Variants in MYO18B observed in about 807,000 individuals in gnomAD.
MYO18B encodes the protein myosin XVIIIB, also known as unconventional myosin-XVIIIb.
Under a neutral mutation model 273.0 loss-of-function variants are expected in MYO18B, and 204 were observed. The observed-to-expected ratio is 0.75, with a 90% CI of 0.67 to 0.84. The LOEUF (loss-of-function observed/expected upper bound fraction) is 0.84. Among genes scored for constraint, MYO18B ranks in the 40% least tolerant of loss-of-function variants. MYO18B has a pLI of 0.00. For missense variants in MYO18B, 3,212 were observed against 3,287.6 expected (o/e 0.98, Z 0.56); for synonymous variants, 1,330 against 1,305.7 (o/e 1.02, Z -0.40).
Position 25,895,235 on chromosome 22 carries a change from G to A in MYO18B, c.4623G>A (p.Glu1541=). ...FLRKRLQQCE[E]RLDSELTARK... ...GAAAGCGTCTGCAGCAATGCGAGGAGAGGCTGGACTCGGAGCTGACAGCCA... is the reference window on the plus strand; with the variant it reads ...GAAAGCGTCTGCAGCAATGCGAGGAAAGGCTGGACTCGGAGCTGACAGCCA... The change falls in exon 28 of 44, where the codon GAG becomes GAA. Residue 1541 remains glutamate, a synonymous_variant. Transcript: ENST00000335473. 6.2e-7 allele frequency: 1 copy of A among 1,608,786 alleles called. No individual in the cohort carries two copies. Among genetic ancestry groups the A allele is most frequent in the Non-Finnish European group, 8.5e-7 (1 of 1,177,612 alleles).
Position 25,902,414 on chromosome 22 carries a change from AC to A in MYO18B, c.4824-198del, listed in dbSNP as rs528048752. On this transcript the variant is annotated intron_variant, in intron 29 of 43. Transcript: ENST00000335473. Reference sequence around the variant, plus strand: ...CTGTGGTTTTTCAGATTCCCACCCTACATCCACAGCCTTACGTAAAAGCATT... The same window carrying A: ...CTGTGGTTTTTCAGATTCCCACCCTAATCCACAGCCTTACGTAAAAGCATT... 2.5e-3 allele frequency among the ~76,000 whole-genome samples: 376 copies of A among 152,272 alleles called. 1 individual carries two copies. Among genetic ancestry groups the A allele is most frequent in the African/African-American group, 8.9e-3 (370 of 41,558 alleles).
At chr22:26,046,825 C>T in the MYO18B span, among the ~76,000 whole-genome samples, 2 of 152,224 alleles carry the variant, frequency 1.3e-5, no homozygotes, top group Non-Finnish European at 2.9e-5. Flanking sequence ...CACCCCAACA[C>T]CTAGGAGCTT....
chr22:25,863,361 G>A (rs2090795543), intron 21 of MYO18B, among the ~76,000 whole-genome samples: 1 of 152,030 alleles, frequency 6.6e-6, no homozygotes, highest in Non-Finnish European at 1.5e-5. Context: ...CTCACCCTTA[G>A]TTTGGATCAT....
intron 11 of MYO18B, among the ~76,000 whole-genome samples, chr22:25,789,065 TCC>T (rs764474099): frequency 0.9 from 133,564 of 148,312 alleles, 61,115 homozygotes; most frequent in Non-Finnish European, 0.98. Flanking sequence ...CTCTTTCTCC[TCC>T]TCCTCCTCCT....
chr22:25,767,127 AC>A (rs1399474988), intron 3 of MYO18B, among the ~76,000 whole-genome samples: 1 of 152,174 alleles, frequency 6.6e-6, no homozygotes, highest in African/African-American at 2.4e-5. Flanking sequence ...TCAGGGTAGA[AC>A]TTGCTTATGA....
chr22:26,048,282 G>A, the MYO18B span, among the ~76,000 whole-genome samples: 1 of 152,212 alleles, frequency 6.6e-6, no homozygotes, highest in Non-Finnish European at 1.5e-5. Context: ...AGACTGCCCT[G>A]AAAAGTCTTG....
intron 33 of MYO18B, among the ~76,000 whole-genome samples, chr22:25,918,222 A>G (rs1392452336): frequency 5.3e-5 from 8 of 152,102 alleles, no homozygotes; most frequent in Admixed American, 4.6e-4. Flanking sequence ...CCAAGCCTCA[A>G]TTTCCCCATC....
At chr22:26,000,010 G>A (rs1933798693) in intron 40 of MYO18B, among the ~76,000 whole-genome samples, 1 of 152,194 alleles carries the variant, frequency 6.6e-6, no homozygotes, top group South Asian at 2.1e-4. Context: ...CTGACCGCAT[G>A]TCAGGAGATG....
chr22:25,962,265 C>T (rs1416422310), intron 39 of MYO18B, among the ~76,000 whole-genome samples: 2 of 152,174 alleles, frequency 1.3e-5, no homozygotes, highest in Non-Finnish European at 2.9e-5. Flanking sequence ...CCCGTACCCC[C>T]TGTGCCCACC....
chr22:25,894,927 C>T lies in MYO18B; in HGVS notation c.4544-229C>T, dbSNP rs560494266. 1.1e-4 allele frequency: 53 copies of T among 504,238 alleles called. 2 individuals are homozygous for T. In the South Asian group the frequency reaches 1.4e-3, roughly 13 times the overall value. The allele number at this position is 504,238 out of a possible 1,614,324, so 31.2% of individuals were successfully genotyped here. A position where few individuals can be genotyped will look rare whatever the true frequency, so the allele number is the denominator to read the frequency against. On this transcript the variant is annotated intron_variant, in intron 27 of 43. Coordinates refer to ENST00000335473, the MANE Select transcript of MYO18B (RefSeq NM_032608.7). ...GCAACCAATCTTAGAAGAGTGAGCA[C>T]TCAAGAACTTTAGACAGTTGGAGGT...
At position 25,760,299 on chromosome 22, in the gene MYO18B, C is replaced by A. The variant is rs1215860197; in HGVS notation, c.-109-685C>A. Among the ~76,000 whole-genome samples, 7 of 151,006 alleles carry A rather than the reference C, an allele frequency of 4.6e-5. No individual in the cohort carries two copies. The South Asian group carries it at 6.3e-4, about 14-fold the overall frequency. Reference sequence around the variant, plus strand: ...GTGTGGTGGCATACACCTGTAATCCCAGCTACTCGGGTGGCTGAGGCAGAA... The same window carrying A: ...GTGTGGTGGCATACACCTGTAATCCAAGCTACTCGGGTGGCTGAGGCAGAA... On this transcript the variant is annotated intron_variant, in intron 1 of 43. Transcript: ENST00000335473.
intron 39 of MYO18B, among the ~76,000 whole-genome samples, chr22:25,983,134 A>G (rs974524348): frequency 1.3e-5 from 2 of 152,176 alleles, no homozygotes; most frequent in East Asian, 3.9e-4. Flanking sequence ...AGTGGGAGGC[A>G]GAGATGGGAG....
rs193177483 is a variant in MYO18B at position 25,893,684 on chromosome 22, C to T, written c.4544-1472C>T. ...TTTAACTCTTTATTATTATACCATC[C>T]GTTATTTGGTTAATGATGTAGAAAT... On this transcript the variant is annotated intron_variant, in intron 27 of 43. Coordinates refer to ENST00000335473, the MANE Select transcript of MYO18B (RefSeq NM_032608.7). Among the ~76,000 whole-genome samples the T allele has an allele frequency of 5.0e-3, 756 of 152,162 alleles. 2 individuals carry two copies. The highest frequency in any genetic ancestry group is 7.6e-3 in the Non-Finnish European group (520 of 68,010).
intron 34 of MYO18B, among the ~76,000 whole-genome samples, chr22:25,925,970 C>T (rs893218635): frequency 6.7e-6 from 1 of 148,456 alleles, no homozygotes; most frequent in African/African-American, 2.5e-5. Context: ...CTTTGGGAGG[C>T]CGAGGAGGGT....
chr22:25,943,364 A>G (rs2092667022), intron 34 of MYO18B, among the ~76,000 whole-genome samples: 1 of 151,796 alleles, frequency 6.6e-6, no homozygotes, highest in South Asian at 2.1e-4. Flanking sequence ...CGATCCCCTC[A>G]CTGGCTGCCC....
In MYO18B at chr22:25,772,511, G is replaced by C. The variant is rs1344235827; in HGVS notation, c.1869+1G>C. 1 of 1,613,082 alleles carries C rather than the reference G, an allele frequency of 6.2e-7. No individual in the cohort carries two copies. Among genetic ancestry groups the C allele is most frequent in the Non-Finnish European group, 8.5e-7 (1 of 1,179,678 alleles). On this transcript the variant is annotated splice_donor_variant, in intron 7 of 43. Transcript: ENST00000335473. LOFTEE classifies it high-confidence loss of function. ...GCCCTCGGTGCCTTCTGCAGGGAAG[G>C]TGAGGTGGGACCATTGTGGGCAGGG...
chr22:25,993,073 C>T (rs540625805), intron 40 of MYO18B, among the ~76,000 whole-genome samples: 76 of 152,276 alleles, frequency 5.0e-4, no homozygotes, highest in Non-Finnish European at 5.4e-4. Context: ...TTAGCGAGAC[C>T]ACCCAAGTTC....
At chr22:25,801,741 A>G (rs2088205412) in intron 12 of MYO18B, among the ~76,000 whole-genome samples, 1 of 152,082 alleles carries the variant, frequency 6.6e-6, no homozygotes, top group Non-Finnish European at 1.5e-5. Flanking sequence ...TATAGACCCG[A>G]TGATGTCACC....
Position 25,768,322 on chromosome 22 carries a change from A to G in MYO18B, c.406A>G (p.Thr136Ala). The change falls in exon 4 of 44, where the codon ACA (threonine) becomes GCA (alanine). Residue 136 changes from threonine to alanine, a missense_variant. Coordinates refer to ENST00000335473, the MANE Select transcript of MYO18B (RefSeq NM_032608.7). ...GGCCCAGGAGCTGGGCTCCAGTGCG[A>G]CACCAACCAAAAAGACTGTCCCCTT... ...EKAQELGSSA[T>A]PTKKTVPFKR... The G allele has an allele frequency of 1.2e-6, 2 of 1,613,828 alleles. No individual in the cohort carries two copies. Among genetic ancestry groups the G allele is most frequent in the Non-Finnish European group, 1.7e-6 (2 of 1,179,798 alleles).
Sources: gnomAD v4.1 joint callset for allele counts (sites outside exome capture counted in the v4.1 genomes callset) on GRCh38, gnomAD v4.1.1 for gene constraint, MANE v1.5 for transcripts, NCBI Gene and HGNC (gene_info 2026-07-23, HGNC 2026-07-21) for gene names.